FBN2: variants seen among roughly 807,000 people sequenced by gnomAD.
The protein encoded by FBN2 is fibrillin-2.
FBN2 carries 105 observed loss-of-function variants against 355.6 expected under a neutral mutation model. That is an observed-to-expected ratio of 0.30 (90% CI 0.25 to 0.35). FBN2 has a LOEUF of 0.35. Among genes scored for constraint, FBN2 ranks in the 10% least tolerant of loss-of-function variants. FBN2 has a pLI of 1.00. For missense variants in FBN2, 3,280 were observed against 3,758.7 expected (o/e 0.87, Z 3.33); for synonymous variants, 1,350 against 1,301.2 (o/e 1.04, Z -0.81).
chr5:128,450,811 A>G (rs1368573020), intron 6 of FBN2, among the ~76,000 whole-genome samples: 1 of 152,114 alleles, frequency 6.6e-6, no homozygotes, highest in East Asian at 1.9e-4. Context: ...AATTTACACA[A>G]ATTTGTTACA....
chr5:128,428,574 G>A lies in FBN2; in HGVS notation c.952+17907C>T, dbSNP rs1003572029. On this transcript the variant is annotated intron_variant, in intron 7 of 64. Coordinates refer to ENST00000262464, the MANE Select transcript of FBN2 (RefSeq NM_001999.4). ...TTCCTTCAGATCTTTGCTGAAATAA[G>A]GCCATGTCAGTGACTTTCCCTGGTT... Among the ~76,000 whole-genome samples, 6 of 152,194 alleles carry A rather than the reference G, an allele frequency of 3.9e-5. No homozygotes were observed. The East Asian group carries it at 1.2e-3, about 29-fold the overall frequency.
chr5:128,306,236 C>T (rs1016410927), intron 42 of FBN2, among the ~76,000 whole-genome samples: 2 of 152,154 alleles, frequency 1.3e-5, no homozygotes, highest in Non-Finnish European at 2.9e-5. Context: ...TCAGGTTACC[C>T]TAAGTGCTGC....
intron 54 of FBN2, 139 bp from the exon 55 acceptor site, chr5:128,286,988 C>A: frequency 1.1e-6 from 1 of 892,234 alleles, no homozygotes; most frequent in South Asian, 1.5e-5. Context: ...CCATTGTCAG[C>A]TGTTGGCTAT....
chr5:128,275,802 T>G (rs1765380411), intron 59 of FBN2, among the ~76,000 whole-genome samples: 1 of 152,224 alleles, frequency 6.6e-6, no homozygotes, highest in African/African-American at 2.4e-5. Context: ...TATTTTATTT[T>G]TTAAAATTTA....
rs1250071861 is a variant in FBN2, at chr5:128,502,949, C to A, written c.628+16324G>T. ...TAGGACAATAAATTATAAAAACATACCCTGACTATTTTTCTAGTTACATTT... is the reference window on the plus strand; with the variant it reads ...TAGGACAATAAATTATAAAAACATAACCTGACTATTTTTCTAGTTACATTT... On this transcript the variant is annotated intron_variant, in intron 5 of 64. Coordinates refer to ENST00000262464, the MANE Select transcript of FBN2 (RefSeq NM_001999.4). Among the ~76,000 whole-genome samples the A allele has an allele frequency of 5.3e-5, 8 of 152,244 alleles. 1 individual carries two copies. In the East Asian group the frequency reaches 1.5e-3, roughly 29 times the overall value.
At chr5:128,427,941 G>A (rs574009768) in intron 7 of FBN2, among the ~76,000 whole-genome samples, 62 of 152,148 alleles carry the variant, frequency 4.1e-4, no homozygotes, top group Admixed American at 7.9e-4. Flanking sequence ...TTTTCTCCTC[G>A]CTATGTTCTC....
chr5:128,347,946 T>C (rs1292403488), intron 23 of FBN2, among the ~76,000 whole-genome samples: 3 of 150,632 alleles, frequency 2.0e-5, no homozygotes, highest in Non-Finnish European at 1.5e-5. Context: ...GCCCAGCTAA[T>C]TTTTATATTT....
chr5:128,361,601 G>A, intron 19 of FBN2, 122 bp downstream of exon 19: 1 of 1,254,658 alleles, frequency 8.0e-7, no homozygotes, highest in Non-Finnish European at 1.1e-6. Flanking sequence ...AGCTAAATGA[G>A]ATTATAAAAT....
chr5:128,469,580 G>A (rs1435573153), intron 5 of FBN2, among the ~76,000 whole-genome samples: 1 of 150,168 alleles, frequency 6.7e-6, no homozygotes, highest in Non-Finnish European at 1.5e-5. Flanking sequence ...GGCATGGAAT[G>A]ACAAGCTTAT....
chr5:128,388,479 T>C (rs1219425140), intron 11 of FBN2, among the ~76,000 whole-genome samples: 1 of 152,220 alleles, frequency 6.6e-6, no homozygotes, highest in Non-Finnish European at 1.5e-5. Context: ...CTGGTAACAG[T>C]CTTTCATTTC....
Position 128,280,267 on chromosome 5 carries a change from C to G in FBN2, c.7063G>C (p.Val2355Leu). The change falls in exon 56 of 65, where the codon GTT becomes CTT. Residue 2355 changes from valine (V) to leucine (L), a missense_variant. This residue lies in a region of FBN2 where 2,284 missense variants were observed against 2,749.5 expected (regional missense o/e 0.83). Transcript: ENST00000262464. ...CATCTATAGCTTCCAATAATGTTAA[C>G]ACAACGTCCATTTTCACAGATTCCT... ...KPGICENGRC[V>L]NIIGSYRCEC... The G allele has an allele frequency of 6.2e-7, 1 of 1,611,680 alleles. No individual in the cohort carries two copies. The highest frequency in any genetic ancestry group is 1.3e-5 in the African/African-American group (1 of 74,978).
intron 33 of FBN2, among the ~76,000 whole-genome samples, chr5:128,330,282 CTG>C (rs557314390): frequency 5.3e-5 from 8 of 152,230 alleles, no homozygotes; most frequent in South Asian, 4.2e-4. Context: ...CAGACAAAGC[CTG>C]TGTTTTTTTA....
At chr5:128,315,599 A>G (rs1010964761) in intron 36 of FBN2, among the ~76,000 whole-genome samples, 4 of 152,256 alleles carry the variant, frequency 2.6e-5, no homozygotes, top group African/African-American at 9.6e-5. Context: ...AACACCAATT[A>G]GAACAATCAA....
At chr5:128,374,800 TA>T (rs1224649293) in intron 14 of FBN2, 50 bp from the exon 15 acceptor site, 1 of 1,608,474 alleles carries the variant, frequency 6.2e-7, no homozygotes, top group East Asian at 2.2e-5. Context: ...AATTTAACGT[TA>T]TTACAGGGTT....
intron 39 of FBN2, among the ~76,000 whole-genome samples, chr5:128,311,034 A>G (rs887759174): frequency 9.9e-5 from 15 of 152,112 alleles, no homozygotes; most frequent in African/African-American, 3.6e-4. Context: ...AACTTACTTA[A>G]TATTTTAGGT....
intron 7 of FBN2, among the ~76,000 whole-genome samples, chr5:128,427,069 T>C (rs1178259433): frequency 2.0e-5 from 3 of 152,304 alleles, no homozygotes; most frequent in South Asian, 4.1e-4. Context: ...TTGACTCATA[T>C]ATGCAATTAG....
intron 5 of FBN2, among the ~76,000 whole-genome samples, chr5:128,512,782 G>A (rs1756166316): frequency 6.6e-6 from 1 of 151,912 alleles, no homozygotes; most frequent in African/African-American, 2.4e-5. Context: ...GTCCATTTTC[G>A]AATATTCTAT....
chr5:128,405,860 T>A (rs563440082), intron 8 of FBN2, among the ~76,000 whole-genome samples: 43 of 152,272 alleles, frequency 2.8e-4, no homozygotes, highest in African/African-American at 9.4e-4. Context: ...ATAACCTCAC[T>A]TCCTTCTCCA....
chr5:128,312,122 G>A (rs1360040965), intron 37 of FBN2, among the ~76,000 whole-genome samples, 169 bp from the exon 38 acceptor site: 1 of 152,132 alleles, frequency 6.6e-6, no homozygotes, highest in East Asian at 1.9e-4. Flanking sequence ...TTACATAAAA[G>A]ATCATACTTT....
Sources: allele counts gnomAD v4.1 joint callset (sites outside exome capture counted in the v4.1 genomes callset), GRCh38; gene constraint gnomAD v4.1.1; regional missense constraint gnomAD v4.1.1; transcripts MANE v1.5; gene names NCBI Gene and HGNC (gene_info 2026-07-23, HGNC 2026-07-21).